PIWIL4: variants seen among roughly 807,000 people sequenced by gnomAD.
PIWIL4 encodes piwi-like protein 4.
A neutral mutation model predicts 100.9 loss-of-function variants in PIWIL4; 50 were observed. The observed-to-expected ratio is 0.50, with a 90% CI of 0.39 to 0.63. The LOEUF (loss-of-function observed/expected upper bound fraction) is 0.63, where lower values mean the gene tolerates loss of function less well. Among genes scored for constraint, PIWIL4 ranks in the 20% least tolerant of loss-of-function variants. The pLI is 0.00. For synonymous variants in PIWIL4, 342 were observed against 367.5 expected (o/e 0.93, Z 0.79); for missense variants, 887 against 1,043.3 (o/e 0.85, Z 2.06).
intron 2 of PIWIL4, among the ~76,000 whole-genome samples, chr11:94,574,560 C>T (rs1031688659): frequency 4.6e-5 from 7 of 152,112 alleles, no homozygotes; most frequent in Admixed American, 2.6e-4. Flanking sequence ...GGAGTGCGGG[C>T]GTGACCATGG....
chr11:94,586,457 G>A (rs1948399492), intron 6 of PIWIL4, among the ~76,000 whole-genome samples: 1 of 152,162 alleles, frequency 6.6e-6, no homozygotes, highest in Admixed American at 6.5e-5. Context: ...ACTGTAGGCT[G>A]TGTTCCGGTT....
intron 15 of PIWIL4, among the ~76,000 whole-genome samples, chr11:94,609,020 C>T (rs1005242493): frequency 2.6e-5 from 4 of 152,182 alleles, no homozygotes; most frequent in Non-Finnish European, 5.9e-5. Context: ...TATATCATGT[C>T]GAGCAGTTGA....
chr11:94,574,455 C>T (rs142323345), intron 2 of PIWIL4, among the ~76,000 whole-genome samples: 5 of 152,120 alleles, frequency 3.3e-5, no homozygotes, highest in African/African-American at 1.2e-4. Context: ...TCTCCTTAGC[C>T]AAGAAGTGAA....
chr11:94,590,265 GT>G (rs1167416051), intron 8 of PIWIL4, among the ~76,000 whole-genome samples: 1 of 152,162 alleles, frequency 6.6e-6, no homozygotes, highest in African/African-American at 2.4e-5. Flanking sequence ...TTCAGTTACT[GT>G]TCTTATCCTA....
At chr11:94,614,279 A>G (rs992394720) in intron 15 of PIWIL4, among the ~76,000 whole-genome samples, 1 of 144,158 alleles carries the variant, frequency 6.9e-6, no homozygotes, top group Non-Finnish European at 1.5e-5. Flanking sequence ...TGGTTGTGTC[A>G]TAGTTCCTGA....
intron 11 of PIWIL4, among the ~76,000 whole-genome samples, chr11:94,598,705 CTT>C (rs769342028): frequency 0.047 from 5,144 of 109,934 alleles, 128 homozygotes; most frequent in Middle Eastern, 0.11. Flanking sequence ...TTTTTTCCAT[CTT>C]TTTTTTTTTT....
At chr11:94,610,992 A>C (rs1045130531) in intron 15 of PIWIL4, among the ~76,000 whole-genome samples, 1 of 152,146 alleles carries the variant, frequency 6.6e-6, no homozygotes, top group Non-Finnish European at 1.5e-5. Context: ...TTACATGTGA[A>C]TATCTAGTTA....
intron 14 of PIWIL4, 135 bp from the exon 15 acceptor site, chr11:94,608,448 C>G: frequency 1.5e-6 from 1 of 667,616 alleles, no homozygotes; most frequent in Non-Finnish European, 2.6e-6. Flanking sequence ...GCTCACGGAT[C>G]TCAATCTCCC....
chr11:94,615,040 T>C (rs548026949), intron 15 of PIWIL4, among the ~76,000 whole-genome samples: 1 of 152,184 alleles, frequency 6.6e-6, no homozygotes, highest in East Asian at 1.9e-4. Context: ...CATGTAGCAT[T>C]TGGGGTGCCT....
rs1283511473 is a variant in PIWIL4 at position 94,621,006 on chromosome 11, T to C, written c.*14T>C. Reference sequence around the variant, plus strand: ...TTCTACCTGTGATGGCATGAACTACTGGCATCACTAGATGGACAATCCAAG... The same window carrying C: ...TTCTACCTGTGATGGCATGAACTACCGGCATCACTAGATGGACAATCCAAG... On this transcript the variant is annotated 3_prime_UTR_variant, in exon 20 of 20. Transcript: ENST00000299001. 1.3e-6 allele frequency: 2 copies of C among 1,558,638 alleles called. No individual in the cohort carries two copies. Among genetic ancestry groups the C allele is most frequent in the Non-Finnish European group, 1.8e-6 (2 of 1,129,986 alleles).
At chr11:94,579,457 G>A (rs1010471804) in intron 4 of PIWIL4, among the ~76,000 whole-genome samples, 6 of 151,930 alleles carry the variant, frequency 3.9e-5, no homozygotes, top group Non-Finnish European at 7.4e-5. Context: ...TTAAAACAGA[G>A]CATTGGATTA....
chr11:94,619,906 A>T, intron 18 of PIWIL4, 21 bp downstream of exon 18: 1 of 1,614,142 alleles, frequency 6.2e-7, no homozygotes, highest in South Asian at 1.1e-5. Flanking sequence ...CTGGAAAATC[A>T]ATTTTTAACA....
In PIWIL4 at chr11:94,620,936, C is replaced by T. The variant is rs201776961; in HGVS notation, c.2503C>T (p.Gln835Ter). The T allele has an allele frequency of 2.5e-6, 4 of 1,613,788 alleles. No individual in the cohort carries two copies. Among genetic ancestry groups the T allele is most frequent in the Non-Finnish European group, 2.5e-6 (3 of 1,179,968 alleles). Residue 835 changes from glutamine to a stop codon, truncating the protein, a stop_gained, in exon 20 of 20, where the codon CAA (glutamine) becomes TAA (stop). Coordinates refer to ENST00000299001, the MANE Select transcript of PIWIL4 (RefSeq NM_152431.3). LOFTEE classifies it high-confidence loss of function. The part of the protein sequence containing the change: ...YAHKLTFLVA[Q>*]SIHKEPSLEL... ...TCACAAGCTGACCTTTCTGGTGGCA[C>T]AAAGCATTCATAAAGAACCCAGTCT...
intron 3 of PIWIL4, among the ~76,000 whole-genome samples, chr11:94,575,381 G>A (rs1259256089): frequency 6.6e-6 from 1 of 152,038 alleles, no homozygotes; most frequent in African/African-American, 2.4e-5. Flanking sequence ...ACTGGGGTGG[G>A]AGTTAAAAAG....
intron 10 of PIWIL4, among the ~76,000 whole-genome samples, chr11:94,597,509 T>G (rs1326963503): frequency 1.3e-5 from 2 of 152,248 alleles, no homozygotes; most frequent in Admixed American, 1.3e-4. Flanking sequence ...GCCTTAAAGA[T>G]GAATAGTTTG....
intron 7 of PIWIL4, among the ~76,000 whole-genome samples, chr11:94,587,920 A>AC (rs11414964): frequency 0.5 from 76,549 of 152,090 alleles, 21,165 homozygotes; most frequent in African/African-American, 0.75. Context: ...TAAAAAGCTC[A>AC]CATATACTGC....
At chr11:94,594,741 A>C (rs1194253658) in intron 9 of PIWIL4, among the ~76,000 whole-genome samples, 1 of 152,090 alleles carries the variant, frequency 6.6e-6, no homozygotes, top group Non-Finnish European at 1.5e-5. Context: ...CATGTTGGTC[A>C]GGCTGGTCTC....
intron 15 of PIWIL4, among the ~76,000 whole-genome samples, chr11:94,615,516 A>G (rs925887136): frequency 2.6e-5 from 4 of 152,180 alleles, no homozygotes; most frequent in African/African-American, 9.7e-5. Context: ...AAGGGAAATG[A>G]TGGTAGAAAG....
chr11:94,568,857 G>A, intron 2 of PIWIL4, 49 bp downstream of exon 2: 2 of 1,491,994 alleles, frequency 1.3e-6, no homozygotes, highest in African/African-American at 1.4e-5. Context: ...CCTGAATGGA[G>A]CAAGAGGAGC....
Sources: allele counts gnomAD v4.1 joint callset (sites outside exome capture counted in the v4.1 genomes callset), GRCh38; gene constraint gnomAD v4.1.1; transcripts MANE v1.5; gene names NCBI Gene and HGNC (gene_info 2026-07-23, HGNC 2026-07-21).